PHACTR1: variants seen among roughly 807,000 people sequenced by gnomAD.
The protein encoded by PHACTR1 is phosphatase and actin regulator 1, also known as RPEL repeat containing 1.
PHACTR1 carries 16 observed loss-of-function variants against 69.2 expected under a neutral mutation model. The observed-to-expected ratio is 0.23, with a 90% CI of 0.16 to 0.35. The LOEUF is 0.35. Ranked by LOEUF, PHACTR1 falls within the 10% of genes least tolerant of loss-of-function variation. The pLI, the probability that PHACTR1 is intolerant of heterozygous loss-of-function variation, is 1.00. For synonymous variants in PHACTR1, 312 were observed against 284.5 expected (o/e 1.10, Z -0.97); for missense variants, 510 against 734.7 (o/e 0.69, Z 3.54).
intron 4 of PHACTR1, among the ~76,000 whole-genome samples, chr6:12,993,475 A>G (rs1374040277): frequency 6.6e-6 from 1 of 152,216 alleles, no homozygotes; most frequent in African/African-American, 2.4e-5. Flanking sequence ...ACCTGGATAC[A>G]TACCTAAGAC....
At chr6:12,720,614 T>C (rs2127556116) in intron 3 of PHACTR1, among the ~76,000 whole-genome samples, 1 of 152,318 alleles carries the variant, frequency 6.6e-6, no homozygotes, top group Non-Finnish European at 1.5e-5. Context: ...TGGAGTCATG[T>C]TCGTATTAGA....
Position 12,870,070 on chromosome 6 carries a change from G to A in PHACTR1, c.250+120280G>A, listed in dbSNP as rs1271386004. ...ACATTTTATTGGATCGAATGAAAGA[G>A]GAGAAGCAAATTAGCTGGCTGAATG... On this transcript the variant is annotated intron_variant, in intron 4 of 14. Transcript: ENST00000332995. 3.3e-5 allele frequency among the ~76,000 whole-genome samples: 5 copies of A among 151,856 alleles called. No homozygotes were observed. The East Asian group carries it at 7.7e-4, about 23-fold the overall frequency.
chr6:13,255,151 T>C (rs971144434), intron 10 of PHACTR1, among the ~76,000 whole-genome samples: 3 of 152,162 alleles, frequency 2.0e-5, no homozygotes, highest in African/African-American at 7.2e-5. Context: ...GTGGCTGCAA[T>C]GTGTCATACA....
At chr6:13,045,052 C>T (rs1338505861) in intron 4 of PHACTR1, among the ~76,000 whole-genome samples, 1 of 152,216 alleles carries the variant, frequency 6.6e-6, no homozygotes, top group Non-Finnish European at 1.5e-5. Context: ...TTTCCTCCCT[C>T]ATCCCTGAAG....
At chr6:12,791,244 GT>G (rs1285683090) in intron 4 of PHACTR1, among the ~76,000 whole-genome samples, 1 of 152,186 alleles carries the variant, frequency 6.6e-6, no homozygotes, top group Non-Finnish European at 1.5e-5. Flanking sequence ...ACATGGACAT[GT>G]TTTTTGAATG....
chr6:12,786,898 CAG>C (rs1331364858), intron 4 of PHACTR1, among the ~76,000 whole-genome samples: 2 of 152,130 alleles, frequency 1.3e-5, no homozygotes, highest in Non-Finnish European at 2.9e-5. Flanking sequence ...TTTTGGGAAA[CAG>C]AGAGCAGCAA....
chr6:12,795,109 A>G (rs575101998), intron 4 of PHACTR1, among the ~76,000 whole-genome samples: 14 of 152,128 alleles, frequency 9.2e-5, no homozygotes, highest in South Asian at 2.1e-4. Context: ...CTATATTTCT[A>G]ACAAGCTCCT....
Position 12,718,723 on chromosome 6 carries a change from C to G in PHACTR1, c.-22C>G, listed in dbSNP as rs756778923. The G allele has an allele frequency of 3.8e-5, 52 of 1,384,360 alleles. No individual in the cohort carries two copies. In the African/African-American group the frequency reaches 7.3e-4, roughly 20 times the overall value. 85.8% of individuals were successfully genotyped at this position (1,384,360 alleles called of 1,614,324 possible). The stretch of plus-strand genomic sequence containing the variant: ...GGTGTTCCAGTGTTTTCTCTCAAAA[C>G]TCTGTGTTTGGAACATCAAGGATGG... On this transcript the variant is annotated 5_prime_UTR_variant, in exon 3 of 15. Transcript: ENST00000332995.
intron 4 of PHACTR1, among the ~76,000 whole-genome samples, chr6:12,992,566 C>T (rs766788285): frequency 2.6e-5 from 4 of 152,018 alleles, no homozygotes; most frequent in South Asian, 2.1e-4. Context: ...CAAGTTGTAC[C>T]GAACTTTTTA....
chr6:12,722,862 G>A (rs1375258153), intron 3 of PHACTR1, among the ~76,000 whole-genome samples: 2 of 152,120 alleles, frequency 1.3e-5, no homozygotes, highest in East Asian at 1.9e-4. Flanking sequence ...ATCCTAACAC[G>A]AAGGGAGTTC....
At chr6:12,845,439 C>CGG (rs35879983) in intron 4 of PHACTR1, among the ~76,000 whole-genome samples, 1 of 73,146 alleles carries the variant, frequency 1.4e-5, no homozygotes, top group African/African-American at 4.9e-5. Flanking sequence ...ACCCCCCCCC[C>CGG]CCCCGCCCTC....
chr6:12,942,208 G>T lies in PHACTR1; in HGVS notation c.251-111157G>T, dbSNP rs78387132. Among the ~76,000 whole-genome samples the T allele has an allele frequency of 5.8e-3, 883 of 152,220 alleles. 13 individuals are homozygous for T. The highest frequency in any genetic ancestry group is 5.7e-3 in the Admixed American group (87 of 15,296). On this transcript the variant is annotated intron_variant, in intron 4 of 14. Coordinates refer to ENST00000332995, the MANE Select transcript of PHACTR1 (RefSeq NM_030948.6). ...AAAGAAGGAAAAAAGAGAAAAAATT[G>T]ATAATCCTCAAAATGATCTGAGTCA...
chr6:12,906,286 G>A (rs182123879), intron 4 of PHACTR1, among the ~76,000 whole-genome samples: 258 of 152,228 alleles, frequency 1.7e-3, no homozygotes, highest in South Asian at 2.3e-3. Flanking sequence ...TTGATACTTG[G>A]CTTACAATAC....
intron 10 of PHACTR1, among the ~76,000 whole-genome samples, chr6:13,256,020 C>G (rs1283901430): frequency 6.6e-6 from 1 of 152,262 alleles, no homozygotes; most frequent in East Asian, 1.9e-4. Flanking sequence ...CATGAGGGCT[C>G]TGCCCCTGCA....
At chr6:13,004,485 G>A (rs544828856) in intron 4 of PHACTR1, among the ~76,000 whole-genome samples, 11 of 152,076 alleles carry the variant, frequency 7.2e-5, no homozygotes, top group South Asian at 2.1e-4. Context: ...GTATTTTGTC[G>A]TTGTTATTGT....
chr6:13,132,693 CAA>C (rs1391283613), intron 5 of PHACTR1, among the ~76,000 whole-genome samples: 2 of 149,032 alleles, frequency 1.3e-5, no homozygotes, highest in Non-Finnish European at 3.0e-5. Context: ...GTCCAAAAAA[CAA>C]TGTACATACC....
chr6:13,127,146 C>T (rs982746712), intron 5 of PHACTR1, among the ~76,000 whole-genome samples: 1 of 152,082 alleles, frequency 6.6e-6, no homozygotes, highest in African/African-American at 2.4e-5. Context: ...GATAAGGGTT[C>T]GTTTAACAAG....
intron 5 of PHACTR1, among the ~76,000 whole-genome samples, chr6:13,152,378 T>C (rs1824447594): frequency 6.6e-6 from 1 of 152,098 alleles, no homozygotes; most frequent in African/African-American, 2.4e-5. Flanking sequence ...TAGGATTCCC[T>C]GGCTCATCAC....
chr6:12,864,778 A>C lies in PHACTR1; in HGVS notation c.250+114988A>C, dbSNP rs577236732. Among the ~76,000 whole-genome samples, 24 of 152,234 alleles carry C rather than the reference A, an allele frequency of 1.6e-4. No individual in the cohort carries two copies. The South Asian group carries it at 4.6e-3, about 29-fold the overall frequency. Reference sequence around the variant, plus strand: ...TTAATTTGTCCTTTTGAAGAGATTCAGTGAAAATCCATGAGACAAACATGG... The same window carrying C: ...TTAATTTGTCCTTTTGAAGAGATTCCGTGAAAATCCATGAGACAAACATGG... On this transcript the variant is annotated intron_variant, in intron 4 of 14. Transcript: ENST00000332995.
Sources: gnomAD v4.1 joint callset for allele counts (sites outside exome capture counted in the v4.1 genomes callset) on GRCh38, gnomAD v4.1.1 for gene constraint, MANE v1.5 for transcripts, NCBI Gene and HGNC (gene_info 2026-07-23, HGNC 2026-07-21) for gene names.